The following EIF4EBP2 variants were observed in gnomAD, a reference collection of about 807,000 sequenced individuals.
EIF4EBP2 encodes the protein eukaryotic translation initiation factor 4E-binding protein 2.
In EIF4EBP2, 5 loss-of-function variants were observed where a neutral mutation model predicts 10.3. The ratio of observed to expected loss-of-function variants is 0.48; its 90% CI spans 0.25 to 1.02. The LOEUF (loss-of-function observed/expected upper bound fraction) is 1.02. EIF4EBP2 is among the 50% of genes least tolerant of loss of function. The probability of loss-of-function intolerance (pLI) is 0.15; values close to 1 mark genes in which losing one functional copy is unlikely to be tolerated. For synonymous variants in EIF4EBP2, 67 were observed against 61.1 expected, an observed-to-expected ratio of 1.10 and a Z score of -0.45; for missense variants, 188 against 162.2, an observed-to-expected ratio of 1.16 and a Z score of -0.86.
At position 70,427,918 on chromosome 10, in the gene EIF4EBP2, C is replaced by T. The variant is rs1243803183; in HGVS notation, c.*6171C>T. Reference sequence around the variant, plus strand: ...ATTCCATGAATCTAGCACAAAATATCCATTCTTGCCCAAGTGTATCCCCTT... The same window carrying T: ...ATTCCATGAATCTAGCACAAAATATTCATTCTTGCCCAAGTGTATCCCCTT... On this transcript the variant is annotated 3_prime_UTR_variant, in exon 3 of 3. Coordinates refer to ENST00000373218, the MANE Select transcript of EIF4EBP2 (RefSeq NM_004096.5). 1 of 151,638 alleles carries T rather than the reference C, an allele frequency of 6.6e-6. No individual in the cohort carries two copies. The highest frequency in any genetic ancestry group is 2.4e-5 in the African/African-American group (1 of 41,314). The allele number at this position is 151,638 out of a possible 1,614,324, so 9.4% of individuals were successfully genotyped here. A position where few individuals can be genotyped will look rare whatever the true frequency, so the allele number is the denominator to read the frequency against.
At chr10:70,407,931 C>G (rs1397207799) in intron 1 of EIF4EBP2, among the ~76,000 whole-genome samples, 1 of 109,198 alleles carries the variant, frequency 9.2e-6, no homozygotes, top group African/African-American at 3.7e-5. Flanking sequence ...TAGGAGCGGC[C>G]GGGCAGAGGC....
chr10:70,419,252 G>A (rs12253011), intron 1 of EIF4EBP2, among the ~76,000 whole-genome samples: 7 of 152,140 alleles, frequency 4.6e-5, no homozygotes, highest in Non-Finnish European at 1.0e-4. Flanking sequence ...TAAGCAGCAC[G>A]TTTCCATAAC....
intron 1 of EIF4EBP2, among the ~76,000 whole-genome samples, chr10:70,407,856 G>A (rs984279845): frequency 1.7e-4 from 23 of 133,086 alleles, no homozygotes; most frequent in South Asian, 1.0e-3. Context: ...CGGGCGGGGG[G>A]CTGACCCCCC....
At chr10:70,418,713 C>T (rs762072327) in intron 1 of EIF4EBP2, among the ~76,000 whole-genome samples, 25 of 152,172 alleles carry the variant, frequency 1.6e-4, no homozygotes, top group Non-Finnish European at 2.5e-4. Flanking sequence ...CAGAATGCCT[C>T]GTTCCTCATA....
rs923210281 is a variant in EIF4EBP2 at position 70,422,745 on chromosome 10, C to T, written c.*998C>T. ...ACCCATTTGAGTACCCGGTCTCAGT[C>T]GTCATTTTTAAGTCCAGTGAGCATT... On this transcript the variant is annotated 3_prime_UTR_variant, in exon 3 of 3. Coordinates refer to ENST00000373218, the MANE Select transcript of EIF4EBP2 (RefSeq NM_004096.5). The T allele has an allele frequency of 1.8e-4, 27 of 152,098 alleles. No individual in the cohort carries two copies. The highest frequency in any genetic ancestry group is 5.6e-4 in the African/African-American group (23 of 41,416). The allele number at this position is 152,098 out of a possible 1,614,324, so 9.4% of individuals were successfully genotyped here. A position where few individuals can be genotyped will look rare whatever the true frequency, so the allele number is the denominator to read the frequency against.
At chr10:70,410,245 T>A (rs991544947) in intron 1 of EIF4EBP2, among the ~76,000 whole-genome samples, 2 of 152,132 alleles carry the variant, frequency 1.3e-5, no homozygotes, top group Non-Finnish European at 2.9e-5. Context: ...GATTTTTGTA[T>A]TTTTAGTAGA....
chr10:70,404,526 T>C lies in EIF4EBP2; in HGVS notation c.125T>C (p.Leu42Pro). Residue 42 changes from leucine (L) to proline (P), a missense_variant, in exon 1 of 3, where the codon CTC becomes CCC. Coordinates refer to ENST00000373218, the MANE Select transcript of EIF4EBP2 (RefSeq NM_004096.5). ...HDYCTTPGGTLFSTTPGGTRI... is the reference protein window; with the variant it reads ...HDYCTTPGGTPFSTTPGGTRI... ...TATTGCACCACGCCCGGGGGGACGC[T>C]CTTCTCCACCACACCGGGAGGTGAG... 6.3e-7 allele frequency: 1 copy of C among 1,586,830 alleles called. No individual in the cohort carries two copies. The highest frequency in any genetic ancestry group is 8.5e-7 in the Non-Finnish European group (1 of 1,170,118).
At position 70,404,319 on chromosome 10, in the gene EIF4EBP2, G is replaced by T. The variant is rs1194352826; in HGVS notation, c.-83G>T. 1.4e-6 allele frequency: 2 copies of T among 1,433,480 alleles called. No homozygotes were observed. Among genetic ancestry groups the T allele is most frequent in the Non-Finnish European group, 1.8e-6 (2 of 1,098,526 alleles). 88.8% of individuals were successfully genotyped at this position (1,433,480 alleles called of 1,614,324 possible). ...AGGAGCGCGCAGAGCGCGCTTTTCC[G>T]TCCGCCTGAGGAGCCGAAGCAGCCC... On this transcript the variant is annotated 5_prime_UTR_variant, in exon 1 of 3. Transcript: ENST00000373218.
At chr10:70,404,655 C>T (rs1844949911) in intron 1 of EIF4EBP2, 109 bp downstream of exon 1, 2 of 1,337,358 alleles carry the variant, frequency 1.5e-6, no homozygotes, top group South Asian at 1.7e-5. Flanking sequence ...TCCACCGAAG[C>T]CCCGGGGACG....
Position 70,404,224 on chromosome 10 carries a change from C to CGGCGGCGGCGGCGGCTGAGAG in EIF4EBP2, c.-166_-146dup, listed in dbSNP as rs1461893117. The stretch of plus-strand genomic sequence containing the variant: ...TGGCTGAGGCCGGAGGATCGAGCGG[C>CGGCGGCGGCGGCGGCTGAGAG]GGCGGCGGCGGCGGCTGAGAGGGCG... On this transcript the variant is annotated 5_prime_UTR_variant, in exon 1 of 3. Coordinates refer to ENST00000373218, the MANE Select transcript of EIF4EBP2 (RefSeq NM_004096.5). Among the ~76,000 whole-genome samples the CGGCGGCGGCGGCGGCTGAGAG allele has an allele frequency of 1.3e-5, 2 of 152,158 alleles. No homozygotes were observed. The highest frequency in any genetic ancestry group is 6.5e-5 in the Admixed American group (1 of 15,270).
At position 70,419,920 on chromosome 10, in the gene EIF4EBP2, G is replaced by A. The variant is rs201115758; in HGVS notation, c.152G>A (p.Arg51Gln). ...TTTTAACCCTGTTTTCCAGGAACTC[G>A]AATCATTTATGACAGAAAGTTTCTG... ...TLFSTTPGGT[R>Q]IIYDRKFLLD... is the part of the protein sequence containing the mutation. Residue 51 changes from arginine to glutamine, a missense_variant, in exon 2 of 3, where the codon CGA (arginine) becomes CAA (glutamine). By Grantham distance (43) the Arg-to-Gln change is conservative (BLOSUM62 1). Transcript: ENST00000373218. The A allele has an allele frequency of 8.9e-6, 14 of 1,568,058 alleles. No individual in the cohort carries two copies. The highest frequency in any genetic ancestry group is 8.0e-5 in the Admixed American group (4 of 49,984).
rs1845214471 is a variant in EIF4EBP2 at position 70,427,361 on chromosome 10, G to T, written c.*5614G>T. On this transcript the variant is annotated 3_prime_UTR_variant, in exon 3 of 3. Coordinates refer to ENST00000373218, the MANE Select transcript of EIF4EBP2 (RefSeq NM_004096.5). ...AAAGATGAAATCAGATATTGATGCA[G>T]TTGGGTCACAATTCTTTAGAATGCT... 6.6e-6 allele frequency: 1 copy of T among 152,220 alleles called. No individual in the cohort carries two copies. The highest frequency in any genetic ancestry group is 6.5e-5 in the Admixed American group (1 of 15,272). The allele number at this position is 152,220 out of a possible 1,614,324, so 9.4% of individuals were successfully genotyped here.
intron 1 of EIF4EBP2, among the ~76,000 whole-genome samples, chr10:70,413,354 G>C (rs752371964): frequency 2.6e-5 from 4 of 152,086 alleles, no homozygotes; most frequent in Non-Finnish European, 5.9e-5. Context: ...GGGCAGGCTT[G>C]GTGGCGTACA....
chr10:70,404,575 C>G, intron 1 of EIF4EBP2, 29 bp downstream of exon 1: 1 of 1,512,452 alleles, frequency 6.6e-7, no homozygotes, highest in Non-Finnish European at 8.8e-7. Flanking sequence ...TCCGCCGCGC[C>G]CGGTGTCCCG....
chr10:70,414,365 T>A (rs1042512180), intron 1 of EIF4EBP2, among the ~76,000 whole-genome samples: 1 of 91,074 alleles, frequency 1.1e-5, no homozygotes, highest in Non-Finnish European at 2.7e-5. Context: ...CAAAAACTTA[T>A]AAATACTATA....
chr10:70,421,792 T>A lies in EIF4EBP2; in HGVS notation c.*45T>A, dbSNP rs200128194. 5 of 1,599,568 alleles carry A rather than the reference T, an allele frequency of 3.1e-6. No homozygotes were observed. Among genetic ancestry groups the A allele is most frequent in the Non-Finnish European group, 4.3e-6 (5 of 1,168,902 alleles). ...AGAAAAGCAGCAACACTGATACTTG[T>A]GTGCACCTGATTTGGCCAATAGGAT... On this transcript the variant is annotated 3_prime_UTR_variant, in exon 3 of 3. Coordinates refer to ENST00000373218, the MANE Select transcript of EIF4EBP2 (RefSeq NM_004096.5).
chr10:70,409,736 C>T (rs192440463), intron 1 of EIF4EBP2, among the ~76,000 whole-genome samples: 2 of 152,170 alleles, frequency 1.3e-5, no homozygotes, highest in East Asian at 3.8e-4. Context: ...TTTTGCTCTG[C>T]GGAATGAGCA....
rs940422409 is a variant in EIF4EBP2, at chr10:70,423,983, C to G, written c.*2236C>G. On this transcript the variant is annotated 3_prime_UTR_variant, in exon 3 of 3. Transcript: ENST00000373218. ...AAGCATGCTCAGGACCTCTTTGTAC[C>G]CCGGGGAGCCTGATTCTTTGGGAAT... is the stretch of plus-strand genomic sequence containing the variant. The G allele has an allele frequency of 6.6e-6, 1 of 152,044 alleles. No individual in the cohort carries two copies. Among genetic ancestry groups the G allele is most frequent in the Non-Finnish European group, 1.5e-5 (1 of 68,004 alleles). 9.4% of individuals were successfully genotyped at this position (152,044 alleles called of 1,614,324 possible).
chr10:70,421,265 G>C (rs550920458), intron 2 of EIF4EBP2, among the ~76,000 whole-genome samples: 1 of 152,200 alleles, frequency 6.6e-6, no homozygotes, highest in South Asian at 2.1e-4. Flanking sequence ...GGAGTGGCCA[G>C]CTCCTGAAAT....
Sources: gnomAD v4.1 joint callset for allele counts (sites outside exome capture counted in the v4.1 genomes callset) on GRCh38, gnomAD v4.1.1 for gene constraint, MANE v1.5 for transcripts, NCBI Gene and HGNC (gene_info 2026-07-23, HGNC 2026-07-21) for gene names.